The following TTC14 variants were observed in gnomAD, a reference collection of about 807,000 sequenced individuals.
TTC14 encodes the protein tetratricopeptide repeat protein 14.
A neutral mutation model predicts 79.9 loss-of-function variants in TTC14; 63 were observed. The observed-to-expected ratio is 0.79, with a 90% CI of 0.64 to 0.97. The LOEUF is 0.97. Ranked by LOEUF, TTC14 falls within the 50% of genes least tolerant of loss-of-function variation. The probability of loss-of-function intolerance (pLI) is 0.00; values close to 1 mark genes in which losing one functional copy is unlikely to be tolerated. For missense variants in TTC14, 895 were observed against 894.0 expected, an observed-to-expected ratio of 1.00 and a Z score of -0.01; for synonymous variants, 335 against 309.6, an observed-to-expected ratio of 1.08 and a Z score of -0.86.
rs771186298 is a variant in TTC14 at position 180,606,525 on chromosome 3, A to C, written c.1094A>C (p.Glu365Ala). ...GSLNKAIEDFELALENCPTHR... is the reference protein window; with the variant it reads ...GSLNKAIEDFALALENCPTHR... ...TTGAACAAAGCAATAGAAGATTTTG[A>C]GCTTGCATTAGAAAACTGTCCAACT... is the stretch of plus-strand genomic sequence containing the variant. The change falls in exon 9 of 12, where the codon GAG becomes GCG. Residue 365 changes from glutamate to alanine, a missense_variant. Transcript: ENST00000296015. 6.2e-7 allele frequency: 1 copy of C among 1,614,006 alleles called. No individual in the cohort carries two copies. Among genetic ancestry groups the C allele is most frequent in the Non-Finnish European group, 8.5e-7 (1 of 1,179,904 alleles).
At chr3:180,616,967 C>A in intron 12 of TTC14, 1 of 1,321,902 alleles carries the variant, frequency 7.6e-7, no homozygotes, top group Non-Finnish European at 1.0e-6. Context: ...TTTCCATGCT[C>A]TGTAGAAAAA....
At position 180,610,923 on chromosome 3, in the gene TTC14, AAATT is replaced by A. The variant is rs1330966484; in HGVS notation, c.*386_*389del. The A allele has an allele frequency of 9.2e-6, 9 of 982,558 alleles. No individual in the cohort carries two copies. In the South Asian group the frequency reaches 2.4e-4, roughly 26 times the overall value. 60.9% of individuals were successfully genotyped at this position (982,558 alleles called of 1,614,324 possible). On this transcript the variant is annotated 3_prime_UTR_variant, in exon 12 of 12. Transcript: ENST00000296015. ...TTGAACACTTGGATCATTTTTATAA[AAATT>A]AATTTCATTTTCTTTTCTGTTAAAT... is the stretch of plus-strand genomic sequence containing the variant.
downstream of TTC14, among the ~76,000 whole-genome samples, chr3:180,612,271 CTTAA>C (rs1260666820): frequency 1.1e-4 from 17 of 151,766 alleles, no homozygotes; most frequent in East Asian, 7.7e-4. Flanking sequence ...TTTTTTTTTC[CTTAA>C]TTAATTCATA....
intron 5 of TTC14, 69 bp from the exon 6 acceptor site, chr3:180,604,783 T>C (rs1716582169): frequency 6.7e-7 from 1 of 1,496,684 alleles, no homozygotes. Flanking sequence ...TCAAATGATA[T>C]TATTTCTTTA....
At position 180,617,384 on chromosome 3, in the gene TTC14, C is replaced by A. The variant is rs1311907728; in HGVS notation, c.1779C>A (p.Tyr593Ter). 1.6e-6 allele frequency: 1 copy of A among 624,008 alleles called. No homozygotes were observed. Among genetic ancestry groups the A allele is most frequent in the Non-Finnish European group, 2.9e-6 (1 of 349,542 alleles). 38.7% of individuals were successfully genotyped at this position (624,008 alleles called of 1,614,324 possible). A position where few individuals can be genotyped will look rare whatever the true frequency, so the allele number is the denominator to read the frequency against. Reference sequence around the variant, plus strand: ...TATACTTTTATTATTTTACAGTGTACTCCTATTTATTTAAAAAGTTAACTA... The same window carrying A: ...TATACTTTTATTATTTTACAGTGTAATCCTATTTATTTAAAAAGTTAACTA... The change falls in exon 13 of 13, where the codon TAC becomes TAA. Residue 593 changes from tyrosine to a stop codon, truncating the protein, a stop_gained. Transcript: ENST00000382584. LOFTEE classifies it high-confidence loss of function.
At chr3:180,602,513 T>C (rs1183431593) in intron 1 of TTC14, 91 bp downstream of exon 1, 5 of 1,451,930 alleles carry the variant, frequency 3.4e-6, no homozygotes, top group African/African-American at 2.8e-5. Flanking sequence ...CTAGAGGAAG[T>C]GGAGCCGCGG....
chr3:180,606,229 A>G (rs771562313), intron 7 of TTC14, 24 bp from the exon 8 acceptor site: 65 of 1,612,088 alleles, frequency 4.0e-5, no homozygotes, highest in Non-Finnish European at 4.3e-5. Context: ...AGTGTTTGTG[A>G]TGCTTTACAA....
intron 3 of TTC14, 100 bp from the exon 4 acceptor site, chr3:180,604,125 C>A: frequency 2.0e-6 from 2 of 977,698 alleles, no homozygotes; most frequent in Non-Finnish European, 3.2e-6. Flanking sequence ...TTAGGTTGTT[C>A]AACTACTAGC....
intron 2 of TTC14, 22 bp downstream of exon 2, chr3:180,603,037 T>C (rs1223381156): frequency 6.2e-7 from 1 of 1,609,952 alleles, no homozygotes; most frequent in Admixed American, 1.7e-5. Flanking sequence ...CTTAAAATCT[T>C]TAAGATTGCG....
Position 180,610,149 on chromosome 3 carries a change from G to A in TTC14, c.1920G>A (p.Lys640=). ...CCTTCTGTAGGAATTCAGAGGACAA[G>A]ATTTATGGTTATAGGAGATTTGAAA... The part of the protein sequence containing the change: ...SDSFCRNSED[K]IYGYRRFEKD... The change falls in exon 12 of 12, where the codon AAG becomes AAA. Residue 640 remains lysine (K), a synonymous_variant. Coordinates refer to ENST00000296015, the MANE Select transcript of TTC14 (RefSeq NM_133462.4). 6.2e-7 allele frequency: 1 copy of A among 1,612,878 alleles called. No homozygotes were observed. The highest frequency in any genetic ancestry group is 8.5e-7 in the Non-Finnish European group (1 of 1,179,674).
In TTC14 at chr3:180,603,045, G is replaced by T. The variant is rs749629416; in HGVS notation, c.286+30G>T. 7 of 1,609,690 alleles carry T rather than the reference G, an allele frequency of 4.3e-6. No homozygotes were observed. The South Asian group carries it at 7.8e-5, about 18-fold the overall frequency. ...GTTTAGCCTTAAAATCTTTAAGATTGCGGTTCGGTTTAACAGTACTTCAGG... is the reference window on the plus strand; with the variant it reads ...GTTTAGCCTTAAAATCTTTAAGATTTCGGTTCGGTTTAACAGTACTTCAGG... On this transcript the variant is annotated intron_variant, in intron 2 of 11. Transcript: ENST00000296015.
Position 180,604,957 on chromosome 3 carries a change from A to G in TTC14, c.807A>G (p.Lys269=), listed in dbSNP as rs1716595024. Residue 269 remains lysine, a synonymous_variant, in exon 6 of 12, where the codon AAA becomes AAG. Transcript: ENST00000296015. ...NPGVVEFLLE[K]LGIDESNPPS... is the part of the protein sequence containing the mutation. ...GAGTAGTTGAATTCCTTCTAGAAAA[A>G]CTAGGAATAGATGAATCTAATCCAC... is the stretch of plus-strand genomic sequence containing the variant. 6.2e-7 allele frequency: 1 copy of G among 1,614,080 alleles called. No individual in the cohort carries two copies. Among genetic ancestry groups the G allele is most frequent in the Non-Finnish European group, 8.5e-7 (1 of 1,179,972 alleles).
chr3:180,602,256 C>T lies in TTC14; in HGVS notation c.-6C>T, dbSNP rs1716395925. 10 of 1,613,790 alleles carry T rather than the reference C, an allele frequency of 6.2e-6. No homozygotes were observed. Among genetic ancestry groups the T allele is most frequent in the East Asian group, 2.2e-5 (1 of 44,882 alleles). On this transcript the variant is annotated 5_prime_UTR_variant, in exon 1 of 12. Coordinates refer to ENST00000296015, the MANE Select transcript of TTC14 (RefSeq NM_133462.4). ...CGTCGGCCTCCGGGCCCTGCATTCTCTAGCCATGGACCGGGACCTTTTGCG... is the reference window on the plus strand; with the variant it reads ...CGTCGGCCTCCGGGCCCTGCATTCTTTAGCCATGGACCGGGACCTTTTGCG...
chr3:180,605,820 A>C lies in TTC14; in HGVS notation c.912A>C (p.Ala304=). The C allele has an allele frequency of 6.4e-7, 1 of 1,574,474 alleles. No individual in the cohort carries two copies. The highest frequency in any genetic ancestry group is 1.2e-5 in the South Asian group (1 of 84,304). The change falls in exon 7 of 12, where the codon GCA becomes GCC. Residue 304 remains alanine, a synonymous_variant. Coordinates refer to ENST00000296015, the MANE Select transcript of TTC14 (RefSeq NM_133462.4). ...FASALRKKQS[A]SWALKCVKIG... is the part of the protein sequence containing the mutation. ...CTGCATTGAGAAAAAAACAATCCGCATCTTGGGCTTTAAAATGGTATGAAG... is the reference window on the plus strand; with the variant it reads ...CTGCATTGAGAAAAAAACAATCCGCCTCTTGGGCTTTAAAATGGTATGAAG...
chr3:180,607,524 T>C, intron 9 of TTC14, 124 bp from the exon 10 acceptor site: 1 of 1,333,230 alleles, frequency 7.5e-7, no homozygotes, highest in African/African-American at 1.5e-5. Flanking sequence ...TGGTATTTTA[T>C]TTTGGAAAAT....
At chr3:180,618,149 G>T (rs923893892), downstream of TTC14, among the ~76,000 whole-genome samples, 1 of 152,132 alleles carries the variant, frequency 6.6e-6, no homozygotes, top group Admixed American at 6.6e-5. Flanking sequence ...GTTTGTGTAA[G>T]TACACTCTTA....
intron 10 of TTC14, 108 bp from the exon 11 acceptor site, chr3:180,608,593 G>T (rs1716819657): frequency 1.5e-6 from 2 of 1,344,830 alleles, no homozygotes; most frequent in Non-Finnish European, 1.9e-6. Context: ...ATGGTGATTT[G>T]GTTTTACTAA....
At chr3:180,616,921 C>A in intron 12 of TTC14, 1 of 1,515,354 alleles carries the variant, frequency 6.6e-7, no homozygotes, top group Non-Finnish European at 9.1e-7. Flanking sequence ...TTTTCTTTAA[C>A]ATTATTTGCC....
chr3:180,616,796 G>C (rs1175936716), intron 12 of TTC14: 1 of 1,599,928 alleles, frequency 6.3e-7, no homozygotes, highest in Non-Finnish European at 8.5e-7. Flanking sequence ...ATGTAAATAT[G>C]AAAGGTCAGT....
Sources: allele counts gnomAD v4.1 joint callset (sites outside exome capture counted in the v4.1 genomes callset), GRCh38; gene constraint gnomAD v4.1.1; transcripts MANE v1.5; gene names NCBI Gene and HGNC (gene_info 2026-07-23, HGNC 2026-07-21).